WFS1: variants seen among roughly 807,000 people sequenced by gnomAD.
The protein encoded by WFS1 is wolframin.
Under a neutral mutation model 68.5 loss-of-function variants are expected in WFS1, and 90 were observed. The ratio of observed to expected loss-of-function variants is 1.31; its 90% CI spans 1.11 to 1.56. The LOEUF (loss-of-function observed/expected upper bound fraction) is 1.56. Among genes scored for constraint, WFS1 ranks in the 40% most tolerant of loss-of-function variants. WFS1 has a pLI of 0.00. For missense variants in WFS1, 1,767 were observed against 1,232.6 expected, an observed-to-expected ratio of 1.43 and a Z score of -6.49; for synonymous variants, 860 against 540.7, an observed-to-expected ratio of 1.59 and a Z score of -8.19.
chr4:6,272,508 C>G (rs897533253), intron 1 of WFS1, among the ~76,000 whole-genome samples: 1 of 152,194 alleles, frequency 6.6e-6, no homozygotes, highest in Non-Finnish European at 1.5e-5. Context: ...TCTTGAGGAG[C>G]AGCCCTGTGC....
chr4:6,287,646 T>C lies in WFS1; in HGVS notation c.315+471T>C, dbSNP rs565254025. ...GCTGGGGACATGATGTGGCCCTCTC[T>C]TCATGGGTGACAGGTTAGTGGAAGA... is the stretch of plus-strand genomic sequence containing the variant. On this transcript the variant is annotated intron_variant, in intron 3 of 7. Transcript: ENST00000226760. This position sits in a 1 kb window ranked among gnomAD's most constrained non-coding sequence, Gnocchi z 6.4. 6.6e-6 allele frequency among the ~76,000 whole-genome samples: 1 copy of C among 152,252 alleles called. No homozygotes were observed. Among genetic ancestry groups the C allele is most frequent in the South Asian group, 2.1e-4 (1 of 4,822 alleles).
chr4:6,302,567 C>T lies in WFS1; in HGVS notation c.*99C>T. The T allele has an allele frequency of 1.9e-6, 3 of 1,544,816 alleles. No individual in the cohort carries two copies. The highest frequency in any genetic ancestry group is 2.6e-6 in the Non-Finnish European group (3 of 1,142,138). ...GGCATGCACCAGTGCCGCCTGTGCCCACGTGTGCAGACTGTGGCTGCAGAG... is the reference window on the plus strand; with the variant it reads ...GGCATGCACCAGTGCCGCCTGTGCCTACGTGTGCAGACTGTGGCTGCAGAG... On this transcript the variant is annotated 3_prime_UTR_variant, in exon 8 of 8. Coordinates refer to ENST00000226760, the MANE Select transcript of WFS1 (RefSeq NM_006005.3).
In WFS1 at chr4:6,301,815, G is replaced by A. The variant is rs200672755; in HGVS notation, c.2020G>A (p.Gly674Arg). 3.0e-4 allele frequency: 488 copies of A among 1,613,160 alleles called. 1 individual carries two copies. The highest frequency in any genetic ancestry group is 9.9e-4 in the Middle Eastern group (6 of 6,062). Residue 674 changes from glycine to arginine, a missense_variant, in exon 8 of 8, where the codon GGG becomes AGG. Physicochemically the swap from Gly to Arg is moderately radical, Grantham distance 125. Transcript: ENST00000226760. ...LTWQQYGALC[G>R]PRAWKETNMA... ...CTGGCAGCAGTATGGTGCGCTGTGC[G>A]GGCCACGCGCCTGGAAGGAGACCAA...
At position 6,300,913 on chromosome 4, in the gene WFS1, A is replaced by G. The variant is rs759538021; in HGVS notation, c.1118A>G (p.Asn373Ser). 1.9e-5 allele frequency: 30 copies of G among 1,613,916 alleles called. No homozygotes were observed. The highest frequency in any genetic ancestry group is 2.5e-5 in the Non-Finnish European group (30 of 1,179,992). The part of the protein sequence containing the change: ...KVFQDSKAWE[N>S]FRTLTDLLLR... ...TTCCAGGACAGCAAGGCCTGGGAGA[A>G]CTTCCGCACCCTCACCGACCTGCTG... The change falls in exon 8 of 8, where the codon AAC becomes AGC. Residue 373 changes from asparagine (N) to serine (S), a missense_variant. Asn to Ser is a conservative substitution (Grantham distance 46). Coordinates refer to ENST00000226760, the MANE Select transcript of WFS1 (RefSeq NM_006005.3).
chr4:6,278,379 T>G (rs979416451), intron 2 of WFS1, among the ~76,000 whole-genome samples: 40 of 152,192 alleles, frequency 2.6e-4, no homozygotes, highest in African/African-American at 9.2e-4. Context: ...GACTCAGGCC[T>G]CGGTCAGCCT....
Position 6,301,374 on chromosome 4 carries a change from A to C in WFS1, c.1579A>C (p.Thr527Pro). 2 of 1,612,418 alleles carry C rather than the reference A, an allele frequency of 1.2e-6. No individual in the cohort carries two copies. The highest frequency in any genetic ancestry group is 1.7e-6 in the Non-Finnish European group (2 of 1,179,988). The change falls in exon 8 of 8, where the codon ACC (threonine) becomes CCC (proline). Residue 527 changes from threonine (T) to proline (P), a missense_variant. Coordinates refer to ENST00000226760, the MANE Select transcript of WFS1 (RefSeq NM_006005.3). ...RMAQLRNFKGTYCYLVPYLVC... is the reference protein window; with the variant it reads ...RMAQLRNFKGPYCYLVPYLVC... Reference sequence around the variant, plus strand: ...GGCACAGCTGAGGAATTTCAAGGGCACCTACTGCTACCTTGTGCCCTACCT... The same window carrying C: ...GGCACAGCTGAGGAATTTCAAGGGCCCCTACTGCTACCTTGTGCCCTACCT...
intron 6 of WFS1, among the ~76,000 whole-genome samples, chr4:6,293,177 G>A (rs1329716453): frequency 1.3e-5 from 2 of 151,748 alleles, no homozygotes; most frequent in Non-Finnish European, 2.9e-5. Flanking sequence ...ATCCTGGGGG[G>A]CACTGCAGGC....
rs755328574 is a variant in WFS1, at chr4:6,302,093, C to A, written c.2298C>A (p.His766Gln). ...AGCTGCTGGCCAAGCACCCCTGCCA[C>A]ATCAAGAAGTTCGACCGCTACAAGT... ...RLKLLAKHPC[H>Q]IKKFDRYKFE... Residue 766 changes from histidine to glutamine, a missense_variant, in exon 8 of 8, where the codon CAC becomes CAA. Coordinates refer to ENST00000226760, the MANE Select transcript of WFS1 (RefSeq NM_006005.3). 1.2e-6 allele frequency: 2 copies of A among 1,612,812 alleles called. No homozygotes were observed. Among genetic ancestry groups the A allele is most frequent in the South Asian group, 2.2e-5 (2 of 91,092 alleles).
rs1730928355 is a variant in WFS1, at chr4:6,301,715, C to CACG, written c.1921_1923dup (p.Thr641dup). ...TGGTCAAGCTCATCCTGGTGTGGCT[C>CACG]ACGGCCATCGTGCTGTTCTGCTGGT... is the stretch of plus-strand genomic sequence containing the variant. On this transcript the variant is annotated inframe_insertion, in exon 8 of 8. Transcript: ENST00000226760. 2.5e-6 allele frequency: 4 copies of CACG among 1,614,066 alleles called. No homozygotes were observed. Among genetic ancestry groups the CACG allele is most frequent in the Non-Finnish European group, 3.4e-6 (4 of 1,180,050 alleles).
chr4:6,284,634 G>A (rs1254459549), intron 2 of WFS1, among the ~76,000 whole-genome samples: 1 of 151,910 alleles, frequency 6.6e-6, no homozygotes, highest in African/African-American at 2.4e-5. Context: ...AACAGCCCTG[G>A]GGTCTCCTGG....
At chr4:6,275,304 C>T (rs1246459676) in intron 1 of WFS1, among the ~76,000 whole-genome samples, 1 of 152,188 alleles carries the variant, frequency 6.6e-6, no homozygotes, top group African/African-American at 2.4e-5. Flanking sequence ...CCTGACTTTT[C>T]ACCATCTCAG....
intron 2 of WFS1, among the ~76,000 whole-genome samples, chr4:6,279,102 A>C (rs1278605984): frequency 6.6e-6 from 1 of 152,218 alleles, no homozygotes; most frequent in Non-Finnish European, 1.5e-5. Flanking sequence ...CCCGTCTCCC[A>C]GTCACTGGTC....
chr4:6,288,792 C>T (rs369103748), intron 3 of WFS1, 195 bp from the exon 4 acceptor site: 12 of 760,818 alleles, frequency 1.6e-5, no homozygotes, highest in South Asian at 5.0e-5. Context: ...CCTTCCTCAC[C>T]GTGTTTTGAG....
At position 6,287,752 on chromosome 4, in the gene WFS1, C is replaced by T. The variant is rs575406912; in HGVS notation, c.315+577C>T. Among the ~76,000 whole-genome samples the T allele has an allele frequency of 3.3e-5, 5 of 152,256 alleles. No homozygotes were observed. In the South Asian group the frequency reaches 6.2e-4, roughly 19 times the overall value. ...CTGGTGAGGGGAGAAGCCAGCAGAA[C>T]GCTGAGACGGGAGGTGGCAGGGGGT... On this transcript the variant is annotated intron_variant, in intron 3 of 7. Transcript: ENST00000226760. This position sits in a 1 kb window ranked among gnomAD's most constrained non-coding sequence, Gnocchi z 6.4.
chr4:6,271,230 T>C (rs143807530), intron 1 of WFS1, among the ~76,000 whole-genome samples: 4 of 152,314 alleles, frequency 2.6e-5, no homozygotes, highest in Middle Eastern at 3.4e-3. Flanking sequence ...CAACCAGGGA[T>C]TTGGAGGGAG....
Position 6,301,459 on chromosome 4 carries a change from G to A in WFS1, c.1664G>A (p.Gly555Glu). The A allele has an allele frequency of 2.5e-6, 4 of 1,612,668 alleles. No homozygotes were observed. Among genetic ancestry groups the A allele is most frequent in the East Asian group, 2.2e-5 (1 of 44,880 alleles). Residue 555 changes from glycine to glutamate, a missense_variant, in exon 8 of 8, where the codon GGG becomes GAG. Physicochemically the swap from Gly to Glu is moderately conservative, Grantham distance 98. Coordinates refer to ENST00000226760, the MANE Select transcript of WFS1 (RefSeq NM_006005.3). ...ATCCTGCTGGAGTCCACCGGCCTGG[G>A]GCTGCTCCGCGCCTCCATCGGCTAC... ...VVILLESTGLGLLRASIGYFL... is the reference protein window; with the variant it reads ...VVILLESTGLELLRASIGYFL...
At chr4:6,270,424 C>T (rs1729768537) in intron 1 of WFS1, among the ~76,000 whole-genome samples, 1 of 151,472 alleles carries the variant, frequency 6.6e-6, no homozygotes, top group South Asian at 2.1e-4. Flanking sequence ...CCTCGGTGCC[C>T]GCCCGGCCGT....
Position 6,301,738 on chromosome 4 carries a change from G to A in WFS1, c.1943G>A (p.Trp648Ter), listed in dbSNP as rs150465110. The A allele has an allele frequency of 8.1e-6, 13 of 1,613,846 alleles. No individual in the cohort carries two copies. Among genetic ancestry groups the A allele is most frequent in the Non-Finnish European group, 1.1e-5 (13 of 1,180,046 alleles). Residue 648 changes from tryptophan to a stop codon, truncating the protein, a stop_gained, in exon 8 of 8, where the codon TGG becomes TAG. Transcript: ENST00000226760. LOFTEE classifies it high-confidence loss of function. ...CTCACGGCCATCGTGCTGTTCTGCTGGTTCTATGTGTACCGCTCAGAGGGC... is the reference window on the plus strand; with the variant it reads ...CTCACGGCCATCGTGCTGTTCTGCTAGTTCTATGTGTACCGCTCAGAGGGC... ...VWLTAIVLFCWFYVYRSEGMK... is the reference protein window; with the variant it reads ...VWLTAIVLFC
rs1802453 is a variant in WFS1 at position 6,302,558 on chromosome 4, G to A, written c.*90G>A. 146,400 of 1,575,390 alleles carry A rather than the reference G, an allele frequency of 0.093. 7,188 individuals carry two copies. Among genetic ancestry groups the A allele is most frequent in the Middle Eastern group, 0.13 (681 of 5,138 alleles). On this transcript the variant is annotated 3_prime_UTR_variant, in exon 8 of 8. Coordinates refer to ENST00000226760, the MANE Select transcript of WFS1 (RefSeq NM_006005.3). ...AGCCCGACAGGCATGCACCAGTGCC[G>A]CCTGTGCCCACGTGTGCAGACTGTG...
Sources: allele counts gnomAD v4.1 joint callset (sites outside exome capture counted in the v4.1 genomes callset), GRCh38; gene constraint gnomAD v4.1.1; non-coding constraint Gnocchi (gnomAD v3.1); transcripts MANE v1.5; gene names NCBI Gene and HGNC (gene_info 2026-07-23, HGNC 2026-07-21).